The following ADAMTSL1 variants were observed in gnomAD, a reference collection of about 807,000 sequenced individuals.
ADAMTSL1 encodes ADAMTS-like protein 1.
ADAMTSL1 carries 126 observed loss-of-function variants against 201.8 expected under a neutral mutation model. The ratio of observed to expected loss-of-function variants is 0.62; its 90% CI spans 0.54 to 0.72. The LOEUF (loss-of-function observed/expected upper bound fraction) is 0.72, where lower values mean the gene tolerates loss of function less well. Among genes scored for constraint, ADAMTSL1 ranks in the 30% least tolerant of loss-of-function variants. The probability of loss-of-function intolerance (pLI) is 0.00; values close to 1 mark genes in which losing one functional copy is unlikely to be tolerated. For synonymous variants in ADAMTSL1, 1,121 were observed against 903.4 expected, an observed-to-expected ratio of 1.24 and a Z score of -4.32; for missense variants, 2,679 against 2,277.8, an observed-to-expected ratio of 1.18 and a Z score of -3.59.
intron 23 of ADAMTSL1, among the ~76,000 whole-genome samples, chr9:18,870,273 G>A (rs1408399536): frequency 2.6e-5 from 4 of 152,120 alleles, no homozygotes; most frequent in South Asian, 2.1e-4. Context: ...CTGTCTAGTG[G>A]TTTTTGATTA....
intron 4 of ADAMTSL1, among the ~76,000 whole-genome samples, chr9:18,615,773 G>A (rs1048360481): frequency 6.6e-6 from 1 of 152,170 alleles, no homozygotes; most frequent in Non-Finnish European, 1.5e-5. Flanking sequence ...TTAGTTTCCT[G>A]ATTTGACAAC....
At chr9:17,916,356 C>T (rs753392579) in intron 1 of ADAMTSL1, among the ~76,000 whole-genome samples, 2 of 152,174 alleles carry the variant, frequency 1.3e-5, no homozygotes, top group Non-Finnish European at 1.5e-5. Flanking sequence ...CAAATTGTTT[C>T]CTGGACAATT....
chr9:18,536,801 A>G (rs1014431324), intron 3 of ADAMTSL1, among the ~76,000 whole-genome samples: 5 of 152,212 alleles, frequency 3.3e-5, no homozygotes, highest in African/African-American at 1.2e-4. Context: ...CACAAGACTA[A>G]GTGAAGGAGG....
rs368969738 is a variant in ADAMTSL1 at position 18,474,289 on chromosome 9, G to A, written c.57G>A (p.Leu19=). The change falls in exon 1 of 29, where the codon CTG becomes CTA. Residue 19 remains leucine, a synonymous_variant. Coordinates refer to ENST00000380548, the MANE Select transcript of ADAMTSL1 (RefSeq NM_001040272.6). ...CACTGCTCCTCTTTCTGGCTTTCCT[G>A]CTCCTGGTAAATGCCTTTTCATTTC... ...PGTLLLFLAF[L]LLSSRTARSE... 11 of 1,613,972 alleles carry A rather than the reference G, an allele frequency of 6.8e-6. No individual in the cohort carries two copies. The highest frequency in any genetic ancestry group is 1.1e-5 in the South Asian group (1 of 91,080).
At chr9:18,487,833 G>T (rs951633032) in intron 1 of ADAMTSL1, among the ~76,000 whole-genome samples, 1 of 152,168 alleles carries the variant, frequency 6.6e-6, no homozygotes, top group African/African-American at 2.4e-5. Flanking sequence ...TGTGCTGAGC[G>T]ATTTCCACAG....
chr9:18,472,207 A>G (rs376685907), upstream of ADAMTSL1, among the ~76,000 whole-genome samples: 86 of 152,340 alleles, frequency 5.6e-4, no homozygotes, highest in African/African-American at 1.9e-3. Flanking sequence ...CACATGTAAC[A>G]TAGCTTTATG....
At chr9:18,409,981 G>T (rs1028579078) in intron 2 of ADAMTSL1, among the ~76,000 whole-genome samples, 1 of 151,338 alleles carries the variant, frequency 6.6e-6, no homozygotes, top group Admixed American at 6.6e-5. Flanking sequence ...CCAATTACAA[G>T]TATCTTTGCT....
intron 23 of ADAMTSL1, among the ~76,000 whole-genome samples, chr9:18,866,643 C>T (rs997275050): frequency 6.6e-6 from 1 of 152,194 alleles, no homozygotes; most frequent in African/African-American, 2.4e-5. Context: ...GAAATACAGT[C>T]ACCTCTACAG....
intron 20 of ADAMTSL1, among the ~76,000 whole-genome samples, chr9:18,812,608 A>C (rs181641758): frequency 6.6e-6 from 1 of 152,192 alleles, no homozygotes; most frequent in African/African-American, 2.4e-5. Context: ...TATCTAAAAA[A>C]TTGCTGCCCA....
chr9:18,585,184 T>C (rs1175541054), intron 4 of ADAMTSL1, among the ~76,000 whole-genome samples: 1 of 152,216 alleles, frequency 6.6e-6, no homozygotes, highest in African/African-American at 2.4e-5. Context: ...GAAGGGATTC[T>C]TCTGATATAT....
At chr9:18,852,066 C>T (rs1563858523) in intron 23 of ADAMTSL1, among the ~76,000 whole-genome samples, 1 of 152,182 alleles carries the variant, frequency 6.6e-6, no homozygotes, top group Non-Finnish European at 1.5e-5. Context: ...CTGCCTTGCT[C>T]GTGTCTGCCT....
intron 2 of ADAMTSL1, among the ~76,000 whole-genome samples, chr9:18,231,843 C>G (rs1213505875): frequency 1.3e-5 from 2 of 152,172 alleles, no homozygotes; most frequent in African/African-American, 4.8e-5. Flanking sequence ...AGGCTTACAG[C>G]AAATACTACT....
At chr9:18,673,352 T>C (rs184734560) in intron 9 of ADAMTSL1, among the ~76,000 whole-genome samples, 1 of 152,238 alleles carries the variant, frequency 6.6e-6, no homozygotes, top group Non-Finnish European at 1.5e-5. Flanking sequence ...GCTGAGCCTA[T>C]GTACACGAAT....
At chr9:18,631,796 T>G (rs1454437733) in intron 5 of ADAMTSL1, among the ~76,000 whole-genome samples, 1 of 152,208 alleles carries the variant, frequency 6.6e-6, no homozygotes, top group Non-Finnish European at 1.5e-5. Context: ...AAGAATTTTC[T>G]TGAGAAAAGA....
At chr9:18,315,187 G>C (rs537746654) in intron 2 of ADAMTSL1, among the ~76,000 whole-genome samples, 1 of 152,242 alleles carries the variant, frequency 6.6e-6, no homozygotes, top group East Asian at 1.9e-4. Context: ...GCTAGACACA[G>C]AGTGCTGATT....
chr9:18,602,743 G>A (rs1824743538), intron 4 of ADAMTSL1, among the ~76,000 whole-genome samples: 1 of 152,150 alleles, frequency 6.6e-6, no homozygotes, highest in Admixed American at 6.5e-5. Context: ...TACTGATAAA[G>A]GAATACATTT....
At chr9:18,287,512 A>G (rs977242090) in intron 2 of ADAMTSL1, among the ~76,000 whole-genome samples, 4 of 151,418 alleles carry the variant, frequency 2.6e-5, no homozygotes, top group South Asian at 2.1e-4. Context: ...ATGTGCACAT[A>G]TGTAATATAT....
At chr9:18,561,980 G>A (rs926858719) in intron 3 of ADAMTSL1, among the ~76,000 whole-genome samples, 29 of 152,050 alleles carry the variant, frequency 1.9e-4, no homozygotes, top group African/African-American at 5.3e-4. Flanking sequence ...TATCCAGTTT[G>A]CCAGTCTGTG....
chr9:18,877,704 T>C (rs1233025925), intron 23 of ADAMTSL1, among the ~76,000 whole-genome samples: 1 of 152,144 alleles, frequency 6.6e-6, no homozygotes, highest in Non-Finnish European at 1.5e-5. Flanking sequence ...TTTGTGTTTG[T>C]TGACCTCCAG....
Sources: gnomAD v4.1 joint callset for allele counts (sites outside exome capture counted in the v4.1 genomes callset) on GRCh38, gnomAD v4.1.1 for gene constraint, MANE v1.5 for transcripts, NCBI Gene and HGNC (gene_info 2026-07-23, HGNC 2026-07-21) for gene names.